Variants in MYADML2 observed in about 807,000 individuals in gnomAD.
The protein encoded by MYADML2 is myeloid-associated differentiation marker-like protein 2.
In MYADML2, 17 loss-of-function variants were observed where a neutral mutation model predicts 16.0. The ratio of observed to expected loss-of-function variants is 1.06; its 90% CI spans 0.73 to 1.60. MYADML2 has a LOEUF of 1.60. Among genes scored for constraint, MYADML2 ranks in the 40% most tolerant of loss-of-function variants. The pLI is 0.00. For synonymous variants in MYADML2, 210 were observed against 208.1 expected, an observed-to-expected ratio of 1.01 and a Z score of -0.08; for missense variants, 422 against 437.7, an observed-to-expected ratio of 0.96 and a Z score of 0.32.
rs1294487876 is a variant in MYADML2, at chr17:81,941,321, C to G, written c.421G>C (p.Ala141Pro). 1.9e-6 allele frequency: 3 copies of G among 1,549,586 alleles called. No homozygotes were observed. Among genetic ancestry groups the G allele is most frequent in the Admixed American group, 2.0e-5 (1 of 50,988 alleles). The change falls in exon 3 of 3, where the codon GCC becomes CCC. Residue 141 changes from alanine to proline, a missense_variant. By Grantham distance (27) the Ala-to-Pro change is conservative (BLOSUM62 -1). Transcript: ENST00000409745. ...ASVFAGLLFL[A>P]YAVEVALTRA... is the part of the protein sequence containing the mutation. ...GTCAGGGCCACCTCCACAGCGTAGG[C>G]CAGGAAGAGGAGCCCGGCGAAGACA...
intron 1 of MYADML2, among the ~76,000 whole-genome samples, chr17:81,946,429 A>T (rs529971917): frequency 6.6e-6 from 1 of 151,492 alleles, no homozygotes; most frequent in East Asian, 2.0e-4. Flanking sequence ...CGGGCGGATC[A>T]CAAGGTCAGG....
At position 81,941,699 on chromosome 17, in the gene MYADML2, G is replaced by C. The variant is rs1457647381; in HGVS notation, c.43C>G (p.Leu15Val). The C allele has an allele frequency of 9.7e-6, 15 of 1,543,820 alleles. 1 individual carries two copies. In the South Asian group the frequency reaches 1.8e-4, roughly 18 times the overall value. ...MEPPGGAYLH[L>V]GAVTSPVGTA... ...CCCACAGGGGATGTCACGGCGCCCA[G>C]GTGCAGGTACGCACCCCCAGGGGGC... Residue 15 changes from leucine to valine, a missense_variant, in exon 3 of 3, where the codon CTG becomes GTG. Transcript: ENST00000409745.
At position 81,941,799 on chromosome 17, in the gene MYADML2, G is replaced by A. The variant is rs529971023; in HGVS notation, c.-58C>T. 238 of 1,438,272 alleles carry A rather than the reference G, an allele frequency of 1.7e-4. 1 individual carries two copies. The African/African-American group carries it at 3.2e-3, about 19-fold the overall frequency. The allele number at this position is 1,438,272 out of a possible 1,614,324, so 89.1% of individuals were successfully genotyped here. On this transcript the variant is annotated 5_prime_UTR_variant, in exon 3 of 3. Transcript: ENST00000409745. ...CCCAAGGCCCTGGGGTCCCTGCTGG[G>A]CCAAGGCCCCTCAGTCCTCTGCGGT...
rs2041294851 is a variant in MYADML2 at position 81,940,735 on chromosome 17, G to T, written c.*83C>A. On this transcript the variant is annotated 3_prime_UTR_variant, in exon 3 of 3. Coordinates refer to ENST00000409745, the MANE Select transcript of MYADML2 (RefSeq NM_001145113.3). ...GCGGCTTCCCTCCTGCTCGCTACTT[G>T]ACACTTTGGTTCACCTGAGTTTCCC... is the stretch of plus-strand genomic sequence containing the variant. 2.1e-6 allele frequency: 3 copies of T among 1,403,882 alleles called. No individual in the cohort carries two copies. Among genetic ancestry groups the T allele is most frequent in the Non-Finnish European group, 2.8e-6 (3 of 1,054,878 alleles). The allele number at this position is 1,403,882 out of a possible 1,614,324, so 87.0% of individuals were successfully genotyped here.
In MYADML2 at chr17:81,943,723, A is replaced by G. The variant is rs191478641; in HGVS notation, c.-180-1350T>C. On this transcript the variant is annotated intron_variant, in intron 1 of 2. Coordinates refer to ENST00000409745, the MANE Select transcript of MYADML2 (RefSeq NM_001145113.3). Reference sequence around the variant, plus strand: ...CAGCTTTGTTACTAAAAAGAGAAAGAAAAATTGCCTGTAATTCCATCACCT... The same window carrying G: ...CAGCTTTGTTACTAAAAAGAGAAAGGAAAATTGCCTGTAATTCCATCACCT... 5.3e-5 allele frequency among the ~76,000 whole-genome samples: 8 copies of G among 152,236 alleles called. No homozygotes were observed. In the East Asian group the frequency reaches 7.7e-4, roughly 15 times the overall value.
chr17:81,941,712 A>AC lies in MYADML2; in HGVS notation c.29dup (p.Ala11CysfsTer62). On this transcript the variant is annotated frameshift_variant, in exon 3 of 3. Transcript: ENST00000409745. LOFTEE classifies it high-confidence loss of function. ...TCACGGCGCCCAGGTGCAGGTACGC[A>AC]CCCCCAGGGGGCTCCATGGTGCTGC... is the stretch of plus-strand genomic sequence containing the variant. The AC allele has an allele frequency of 6.5e-7, 1 of 1,534,964 alleles. No homozygotes were observed. Among genetic ancestry groups the AC allele is most frequent in the Non-Finnish European group, 8.8e-7 (1 of 1,137,756 alleles).
At chr17:81,944,321 T>C (rs1309579328) in intron 1 of MYADML2, among the ~76,000 whole-genome samples, 1 of 149,422 alleles carries the variant, frequency 6.7e-6, no homozygotes, top group Admixed American at 6.7e-5. Flanking sequence ...GAGGCTGAGG[T>C]GGGAGAATGG....
intron 1 of MYADML2, among the ~76,000 whole-genome samples, chr17:81,943,947 T>C (rs2143925009): frequency 6.6e-6 from 1 of 151,152 alleles, no homozygotes; most frequent in South Asian, 2.1e-4. Flanking sequence ...CCATCTCTAC[T>C]AAAAATACAA....
chr17:81,943,639 G>A (rs1443435432), intron 1 of MYADML2, among the ~76,000 whole-genome samples: 3 of 150,592 alleles, frequency 2.0e-5, no homozygotes, highest in Non-Finnish European at 3.0e-5. Context: ...TCCTGACCTC[G>A]TGATCCGCCC....
At position 81,941,592 on chromosome 17, in the gene MYADML2, C is replaced by T. The variant is rs2041305104; in HGVS notation, c.150G>A (p.Gln50=). 2 of 1,548,500 alleles carry T rather than the reference C, an allele frequency of 1.3e-6. No homozygotes were observed. Among genetic ancestry groups the T allele is most frequent in the Non-Finnish European group, 1.7e-6 (2 of 1,146,838 alleles). ...VAHRGGFAGV[Q]GTFCMAAWGF... ...CCCAGGCGGCCATGCAGAAGGTGCC[C>T]TGGACGCCCGCAAAGCCACCCCGGT... The change falls in exon 3 of 3, where the codon CAG becomes CAA. Residue 50 remains glutamine (Q), a synonymous_variant. Coordinates refer to ENST00000409745, the MANE Select transcript of MYADML2 (RefSeq NM_001145113.3).
intron 1 of MYADML2, among the ~76,000 whole-genome samples, chr17:81,943,649 C>T (rs879940803): frequency 4.7e-4 from 68 of 143,418 alleles, no homozygotes; most frequent in Middle Eastern, 4.8e-3. Flanking sequence ...GTGATCCGCC[C>T]GCCTCAGCCT....
intron 1 of MYADML2, among the ~76,000 whole-genome samples, chr17:81,943,364 C>T (rs111245158): frequency 1.2e-3 from 181 of 149,390 alleles, no homozygotes; most frequent in African/African-American, 4.3e-3. Flanking sequence ...CCACTGTGCC[C>T]GGCCGGAAAA....
chr17:81,944,598 A>G (rs1029247195), intron 1 of MYADML2, among the ~76,000 whole-genome samples: 3 of 152,002 alleles, frequency 2.0e-5, no homozygotes, highest in African/African-American at 7.2e-5. Flanking sequence ...GGGGCTCCCA[A>G]TCCCCTTGAA....
At chr17:81,945,364 C>T (rs573995376) in intron 1 of MYADML2, among the ~76,000 whole-genome samples, 34 of 152,072 alleles carry the variant, frequency 2.2e-4, no homozygotes, top group Non-Finnish European at 4.0e-4. Flanking sequence ...ACAGTGAAAC[C>T]CCATCTCTAC....
rs767930189 is a variant in MYADML2 at position 81,941,385 on chromosome 17, G to A, written c.357C>T (p.Pro119=). The A allele has an allele frequency of 9.7e-6, 15 of 1,548,648 alleles. No homozygotes were observed. The highest frequency in any genetic ancestry group is 4.1e-5 in the African/African-American group (3 of 73,030). The change falls in exon 3 of 3, where the codon CCC becomes CCT. Residue 119 remains proline, a synonymous_variant. Coordinates refer to ENST00000409745, the MANE Select transcript of MYADML2 (RefSeq NM_001145113.3). The stretch of plus-strand genomic sequence containing the variant: ...GGAAGTCCCTGGCAGCACAGCCGGC[G>A]GGCTCGGGGGAACACTCCCGCCGGG... The part of the protein sequence containing the change: ...YFARRECSPE[P]AGCAARDFRL...
chr17:81,946,191 C>T (rs1406011220), intron 1 of MYADML2, among the ~76,000 whole-genome samples: 10 of 151,272 alleles, frequency 6.6e-5, no homozygotes, highest in Non-Finnish European at 1.0e-4. Context: ...CCCATTTCTA[C>T]TAAAAATACA....
chr17:81,944,551 C>T (rs1346667995), intron 1 of MYADML2, among the ~76,000 whole-genome samples: 2 of 152,244 alleles, frequency 1.3e-5, no homozygotes, highest in East Asian at 3.9e-4. Context: ...GCTCCTAAAA[C>T]CTTTATAATC....
At position 81,941,742 on chromosome 17, in the gene MYADML2, C is replaced by A. The variant is rs1375131307; in HGVS notation, c.-1G>T. The A allele has an allele frequency of 3.3e-6, 5 of 1,503,420 alleles. No homozygotes were observed. The highest frequency in any genetic ancestry group is 4.5e-6 in the Non-Finnish European group (5 of 1,121,870). 93.1% of individuals were successfully genotyped at this position (1,503,420 alleles called of 1,614,324 possible). On this transcript the variant is annotated 5_prime_UTR_variant, in exon 3 of 3. Transcript: ENST00000409745. Reference sequence around the variant, plus strand: ...CAGGGGGCTCCATGGTGCTGCCCATCTGGCCAGCCACGTTTCCAGCTCACA... The same window carrying A: ...CAGGGGGCTCCATGGTGCTGCCCATATGGCCAGCCACGTTTCCAGCTCACA...
At chr17:81,944,218 A>AAC (rs1452752872) in intron 1 of MYADML2, among the ~76,000 whole-genome samples, 3 of 152,030 alleles carry the variant, frequency 2.0e-5, no homozygotes, top group Non-Finnish European at 4.4e-5. Flanking sequence ...CGTCCTGGCT[A>AAC]ACACAGTGAA....
Sources: allele counts gnomAD v4.1 joint callset (sites outside exome capture counted in the v4.1 genomes callset), GRCh38; gene constraint gnomAD v4.1.1; transcripts MANE v1.5; gene names NCBI Gene and HGNC (gene_info 2026-07-23, HGNC 2026-07-21).